Variants in TFIP11 observed in about 807,000 individuals in gnomAD.
TFIP11 encodes tuftelin-interacting protein 11.
A neutral mutation model predicts 96.8 loss-of-function variants in TFIP11; 86 were observed. That is an observed-to-expected ratio of 0.89 (90% CI 0.75 to 1.06). The LOEUF (loss-of-function observed/expected upper bound fraction) is 1.06. Ranked by LOEUF, TFIP11 falls within the 50% of genes least tolerant of loss-of-function variation. The pLI, the probability that TFIP11 is intolerant of heterozygous loss-of-function variation, is 0.00. For synonymous variants in TFIP11, 405 were observed against 395.2 expected (o/e 1.02, Z -0.29); for missense variants, 881 against 1,076.7 (o/e 0.82, Z 2.54).
chr22:26,501,241 T>G (rs772333130), intron 8 of TFIP11, among the ~76,000 whole-genome samples: 2 of 152,102 alleles, frequency 1.3e-5, no homozygotes, highest in African/African-American at 2.4e-5. Context: ...TTAATCTATC[T>G]TAAAAAAAGA....
At chr22:26,497,722 A>G (rs992673209) in intron 10 of TFIP11, among the ~76,000 whole-genome samples, 9 of 152,258 alleles carry the variant, frequency 5.9e-5, no homozygotes, top group South Asian at 2.1e-4. Context: ...CTAAAAATAC[A>G]AAAATTAGCT....
At position 26,499,406 on chromosome 22, in the gene TFIP11, G is replaced by T; in HGVS notation, c.1027C>A (p.Gln343Lys). Residue 343 changes from glutamine to lysine, a missense_variant, in exon 9 of 15, where the codon CAG (glutamine) becomes AAG (lysine). Physicochemically the swap from Gln to Lys is moderately conservative, Grantham distance 53 (BLOSUM62 1). Transcript: ENST00000407690. ...QEIIQNDRQL[Q>K]YERDMVVNLF... is the part of the protein sequence containing the mutation. ...TTGACCACCATGTCCCGCTCATACT[G>T]TAGCTGCCGGTCATTCTGGATGATC... 1 of 1,614,138 alleles carries T rather than the reference G, an allele frequency of 6.2e-7. No homozygotes were observed. Among genetic ancestry groups the T allele is most frequent in the Non-Finnish European group, 8.5e-7 (1 of 1,179,998 alleles).
rs1382588640 is a variant in TFIP11, at chr22:26,501,891, C to T, written c.801+9G>A. 1 of 1,610,040 alleles carries T rather than the reference C, an allele frequency of 6.2e-7. No homozygotes were observed. The highest frequency in any genetic ancestry group is 1.1e-5 in the South Asian group (1 of 90,724). On this transcript the variant is annotated intron_variant, in intron 8 of 14. Coordinates refer to ENST00000407690, the MANE Select transcript of TFIP11 (RefSeq NM_012143.4). ...GGATCCTGTACCAGGTGTCCAAGGG[C>T]CCCTGTACCTTGACTTGAGAAAGTT...
In TFIP11 at chr22:26,497,865, ACTT is replaced by A. The variant is rs544522745; in HGVS notation, c.1437-979_1437-977del. On this transcript the variant is annotated intron_variant, in intron 10 of 14. Coordinates refer to ENST00000407690, the MANE Select transcript of TFIP11 (RefSeq NM_012143.4). ...CACTCCAGCCTGGCGACAAAGCAAG[ACTT>A]CATCTCAAAAAAAAAAAAAAAAAAA... 3.5e-4 allele frequency among the ~76,000 whole-genome samples: 45 copies of A among 128,814 alleles called. No homozygotes were observed. In the South Asian group the frequency reaches 8.8e-3, roughly 25 times the overall value. The allele number at this position is 128,814 out of a possible 152,430, so 84.5% of individuals were successfully genotyped here. A position where few individuals can be genotyped will look rare whatever the true frequency, so the allele number is the denominator to read the frequency against.
At chr22:26,509,779 C>T (rs1242745822) in intron 4 of TFIP11, among the ~76,000 whole-genome samples, 1 of 152,168 alleles carries the variant, frequency 6.6e-6, no homozygotes, top group East Asian at 1.9e-4. Flanking sequence ...TCACTTAAAC[C>T]TGGAAGGTGG....
At position 26,499,221 on chromosome 22, in the gene TFIP11, G is replaced by C. The variant is rs1008468686; in HGVS notation, c.1212C>G (p.Phe404Leu). The C allele has an allele frequency of 6.2e-7, 1 of 1,614,000 alleles. No individual in the cohort carries two copies. Among genetic ancestry groups the C allele is most frequent in the Admixed American group, 1.7e-5 (1 of 59,988 alleles). ...PLTLDECARI[F>L]ETLQDKYYEE... is the part of the protein sequence containing the mutation. ...CATAGTACTTGTCCTGCAGGGTTTC[G>C]AAGATGCGGGCACACTCGTCCAGGG... The change falls in exon 9 of 15, where the codon TTC becomes TTG. Residue 404 changes from phenylalanine to leucine, a missense_variant. Physicochemically the swap from Phe to Leu is conservative, Grantham distance 22. Transcript: ENST00000407690.
chr22:26,497,791 G>T (rs1473762203), intron 10 of TFIP11, among the ~76,000 whole-genome samples: 4 of 149,532 alleles, frequency 2.7e-5, no homozygotes, highest in Non-Finnish European at 4.4e-5. Flanking sequence ...CAGGAGAATC[G>T]CTTGAACCCG....
Position 26,499,176 on chromosome 22 carries a change from G to A in TFIP11, c.1257C>T (p.Asp419=), listed in dbSNP as rs1380962723. The A allele has an allele frequency of 2.5e-6, 4 of 1,610,334 alleles. No individual in the cohort carries two copies. The African/African-American group carries it at 4.0e-5, about 16-fold the overall frequency. Residue 419 remains aspartate (D), a synonymous_variant, in exon 9 of 15, where the codon GAC becomes GAT. Coordinates refer to ENST00000407690, the MANE Select transcript of TFIP11 (RefSeq NM_012143.4). The part of the protein sequence containing the change: ...DKYYEEYRMS[D]RVDLAVAIVY... Reference sequence around the variant, plus strand: ...CGATGGCCACAGCAAGGTCCACACGGTCGGACATCCTGTACTCCTCATAGT... The same window carrying A: ...CGATGGCCACAGCAAGGTCCACACGATCGGACATCCTGTACTCCTCATAGT...
At chr22:26,510,013 T>C (rs776046904) in intron 4 of TFIP11, 51 bp downstream of exon 4, 7 of 1,593,648 alleles carry the variant, frequency 4.4e-6, no homozygotes, top group South Asian at 2.2e-5. Flanking sequence ...CCTGTCCATC[T>C]TCCCCCTCTT....
At chr22:26,511,846 G>C (rs569508950) in intron 2 of TFIP11, 25 of 152,276 alleles carry the variant, frequency 1.6e-4, no homozygotes, top group Admixed American at 4.6e-4. Context: ...TAGGACAGAA[G>C]GATTTTCAGA....
chr22:26,499,719 G>GA lies in TFIP11; in HGVS notation c.802-89dup, dbSNP rs2147132979. ...CCCAGGGGAAGGCCCCATGACAGGG[G>GA]AAGTGTGTAGAAACCACATTATTCA... On this transcript the variant is annotated intron_variant, in intron 8 of 14. Coordinates refer to ENST00000407690, the MANE Select transcript of TFIP11 (RefSeq NM_012143.4). The GA allele has an allele frequency of 2.2e-6, 3 of 1,346,466 alleles. No individual in the cohort carries two copies. The East Asian group carries it at 6.9e-5, about 31-fold the overall frequency. 83.4% of individuals were successfully genotyped at this position (1,346,466 alleles called of 1,614,324 possible). A position where few individuals can be genotyped will look rare whatever the true frequency, so the allele number is the denominator to read the frequency against.
Position 26,494,993 on chromosome 22 carries a change from G to T in TFIP11, c.1850-54C>A, listed in dbSNP as rs1196158016. On this transcript the variant is annotated intron_variant, in intron 12 of 14. Coordinates refer to ENST00000407690, the MANE Select transcript of TFIP11 (RefSeq NM_012143.4). ...CAGCTTTAGTACTGGCAAAGCCAAA[G>T]AAGCACAAAGAGCAAAGACAATGTC... The T allele has an allele frequency of 2.9e-5, 47 of 1,605,674 alleles. No individual in the cohort carries two copies. The Admixed American group carries it at 7.8e-4, about 27-fold the overall frequency.
chr22:26,507,789 A>G (rs944461289), intron 4 of TFIP11, among the ~76,000 whole-genome samples: 5 of 152,172 alleles, frequency 3.3e-5, no homozygotes, highest in African/African-American at 1.2e-4. Flanking sequence ...TAAAATTGAT[A>G]TATTTGTACT....
chr22:26,508,503 T>C (rs926029684), intron 4 of TFIP11, among the ~76,000 whole-genome samples: 1 of 152,224 alleles, frequency 6.6e-6, no homozygotes, highest in African/African-American at 2.4e-5. Context: ...CAGACTTCCT[T>C]GTGGATGAGA....
intron 2 of TFIP11, chr22:26,511,678 C>T (rs1056488639): frequency 2.0e-5 from 3 of 152,198 alleles, no homozygotes; most frequent in African/African-American, 7.2e-5. Context: ...AATTGTGATT[C>T]TTGTCTTGCT....
intron 6 of TFIP11, chr22:26,506,098 C>T (rs938810851): frequency 2.0e-6 from 1 of 499,108 alleles, no homozygotes; most frequent in Admixed American, 3.8e-5. Flanking sequence ...GACCCTAACC[C>T]TTTCCTTGCT....
rs10716815 is a variant in TFIP11, at chr22:26,498,541, CAA to C, written c.1436+326_1436+327del. On this transcript the variant is annotated intron_variant, in intron 10 of 14. Coordinates refer to ENST00000407690, the MANE Select transcript of TFIP11 (RefSeq NM_012143.4). ...CTGGTGACAGAGTGAGACTCCATCT[CAA>C]AAAAAAAAAAAAAAAAAAGACTACA... Among the ~76,000 whole-genome samples, 779 of 83,564 alleles carry C rather than the reference CAA, an allele frequency of 9.3e-3. 2 individuals are homozygous for C. The highest frequency in any genetic ancestry group is 0.079 in the East Asian group (238 of 2,998). 54.8% of individuals were successfully genotyped at this position (83,564 alleles called of 152,430 possible). A position where few individuals can be genotyped will look rare whatever the true frequency, so the allele number is the denominator to read the frequency against.
rs1459013993 is a variant in TFIP11, at chr22:26,502,036, A to G, written c.665T>C (p.Leu222Pro). 1 of 1,614,030 alleles carries G rather than the reference A, an allele frequency of 6.2e-7. No individual in the cohort carries two copies. Among genetic ancestry groups the G allele is most frequent in the African/African-American group, 1.3e-5 (1 of 75,018 alleles). The change falls in exon 8 of 15, where the codon CTG becomes CCG. Residue 222 changes from leucine (L) to proline (P), a missense_variant. Transcript: ENST00000407690. ...ACTTGGGTCTTTCCTCCACTGGCTC[A>G]GCTCCTTCTGAAACTCCTGAACCAG... The part of the protein sequence containing the change: ...EEAEEEFQKE[L>P]SQWRKDPSGS...
intron 4 of TFIP11, among the ~76,000 whole-genome samples, chr22:26,508,843 CAAA>C (rs134139): frequency 7.2e-5 from 10 of 139,008 alleles, no homozygotes; most frequent in Non-Finnish European, 4.7e-5. Flanking sequence ...GACTTCATCT[CAAA>C]AAAAAAAAAA....
Sources: gnomAD v4.1 joint callset for allele counts (sites outside exome capture counted in the v4.1 genomes callset) on GRCh38, gnomAD v4.1.1 for gene constraint, MANE v1.5 for transcripts, NCBI Gene and HGNC (gene_info 2026-07-23, HGNC 2026-07-21) for gene names.